Variants in SLC5A4 observed in about 807,000 individuals in gnomAD.
SLC5A4 encodes the protein probable glucose sensor protein SLC5A4.
Under a neutral mutation model 70.3 loss-of-function variants are expected in SLC5A4, and 55 were observed. The ratio of observed to expected loss-of-function variants is 0.78; its 90% confidence interval spans 0.63 to 0.98. SLC5A4 has a LOEUF of 0.98. Ranked by LOEUF, SLC5A4 falls within the 50% of genes least tolerant of loss-of-function variation. The pLI is 0.00. For synonymous variants in SLC5A4, 268 were observed against 305.7 expected (o/e 0.88, Z 1.29); for missense variants, 735 against 839.2 (o/e 0.88, Z 1.53).
At chr22:32,332,928 T>C in the SLC5A4 span, among the ~76,000 whole-genome samples, 1 of 152,224 alleles carries the variant, frequency 6.6e-6, no homozygotes, top group Non-Finnish European at 1.5e-5. Flanking sequence ...AGACTCTTTC[T>C]CCTTTGCCTC....
At chr22:32,300,582 C>T in the SLC5A4 span, among the ~76,000 whole-genome samples, 2 of 151,264 alleles carry the variant, frequency 1.3e-5, no homozygotes, top group South Asian at 2.1e-4. Context: ...TGAGATGAAC[C>T]CGGTACCTCA....
At chr22:32,301,824 G>A in the SLC5A4 span, among the ~76,000 whole-genome samples, 1 of 126,758 alleles carries the variant, frequency 7.9e-6, no homozygotes, top group East Asian at 2.3e-4. Flanking sequence ...ATTAATCAAA[G>A]GAACATAATT....
At chr22:32,303,945 A>C in the SLC5A4 span, among the ~76,000 whole-genome samples, 3 of 152,174 alleles carry the variant, frequency 2.0e-5, no homozygotes, top group Non-Finnish European at 1.5e-5. Flanking sequence ...GTTTCTCCAC[A>C]TTCTCACCAG....
chr22:32,236,533 T>C lies in SLC5A4; in HGVS notation c.664+711A>G, dbSNP rs149163201. Among the ~76,000 whole-genome samples, 390 of 152,274 alleles carry C rather than the reference T, an allele frequency of 2.6e-3. 3 individuals carry two copies. Among genetic ancestry groups the C allele is most frequent in the African/African-American group, 9.2e-3 (381 of 41,532 alleles). On this transcript the variant is annotated intron_variant, in intron 7 of 14. Coordinates refer to ENST00000266086, the MANE Select transcript of SLC5A4 (RefSeq NM_014227.3). Reference sequence around the variant, plus strand: ...TATGATTCAGTTGAACTGACTAATATTCAGTTCTCAAATTTTTTCCTACTA... The same window carrying C: ...TATGATTCAGTTGAACTGACTAATACTCAGTTCTCAAATTTTTTCCTACTA...
chr22:32,268,483 C>T, the SLC5A4 span: 3 of 152,176 alleles, frequency 2.0e-5, no homozygotes, highest in East Asian at 5.8e-4. Flanking sequence ...TGACATCAGG[C>T]CCGATTTCCA....
chr22:32,295,174 A>C, the SLC5A4 span, among the ~76,000 whole-genome samples: 5 of 107,754 alleles, frequency 4.6e-5, 2 homozygotes, highest in African/African-American at 1.7e-4. Flanking sequence ...CTTTGGGTAT[A>C]TACCCAGTAA....
intron 11 of SLC5A4, among the ~76,000 whole-genome samples, chr22:32,228,854 A>G (rs1695995342): frequency 6.6e-6 from 1 of 152,166 alleles, no homozygotes; most frequent in South Asian, 2.1e-4. Context: ...TGCTAGAGAC[A>G]ATGCATTCAC....
the SLC5A4 span, among the ~76,000 whole-genome samples, chr22:32,325,693 G>A: frequency 6.6e-6 from 1 of 152,256 alleles, no homozygotes; most frequent in African/African-American, 2.4e-5. Flanking sequence ...CGGGCACTGT[G>A]CCAAGCACTT....
At chr22:32,306,349 C>A in the SLC5A4 span, among the ~76,000 whole-genome samples, 1 of 151,880 alleles carries the variant, frequency 6.6e-6, no homozygotes, top group South Asian at 2.1e-4. Context: ...CCTGCTAGTC[C>A]CAGCTACTTG....
chr22:32,311,417 G>A, the SLC5A4 span, among the ~76,000 whole-genome samples: 1 of 152,232 alleles, frequency 6.6e-6, no homozygotes, highest in Admixed American at 6.5e-5. Flanking sequence ...CCCATGGAAT[G>A]AGTGTGTCTA....
At chr22:32,302,378 G>A in the SLC5A4 span, among the ~76,000 whole-genome samples, 1 of 151,416 alleles carries the variant, frequency 6.6e-6, no homozygotes, top group Admixed American at 6.6e-5. Context: ...CATTTTAATT[G>A]TGATTAAGTC....
chr22:32,307,193 G>A, the SLC5A4 span, among the ~76,000 whole-genome samples: 1 of 152,100 alleles, frequency 6.6e-6, no homozygotes, highest in Non-Finnish European at 1.5e-5. Context: ...CAGCAGCCCT[G>A]GATTTCAGTC....
At chr22:32,306,043 C>T in the SLC5A4 span, among the ~76,000 whole-genome samples, 1 of 152,170 alleles carries the variant, frequency 6.6e-6, no homozygotes, top group African/African-American at 2.4e-5. Context: ...CCATCCTCCC[C>T]TACAGAATGA....
At chr22:32,234,136 T>C (rs978799289) in intron 8 of SLC5A4, among the ~76,000 whole-genome samples, 12 of 152,162 alleles carry the variant, frequency 7.9e-5, no homozygotes, top group African/African-American at 2.9e-4. Context: ...TCTGAATCAC[T>C]TGGGGATCAA....
the SLC5A4 span, among the ~76,000 whole-genome samples, chr22:32,309,635 A>G: frequency 6.6e-6 from 1 of 152,002 alleles, no homozygotes; most frequent in African/African-American, 2.4e-5. Context: ...GGAGCCCTTG[A>G]CACCACTGGG....
chr22:32,340,829 G>C, the SLC5A4 span, among the ~76,000 whole-genome samples: 1 of 152,212 alleles, frequency 6.6e-6, no homozygotes, highest in African/African-American at 2.4e-5. Flanking sequence ...GTGCAAAGGA[G>C]ACCATCGGCA....
the SLC5A4 span, among the ~76,000 whole-genome samples, chr22:32,326,245 G>A: frequency 6.6e-6 from 1 of 151,822 alleles, no homozygotes; most frequent in African/African-American, 2.4e-5. Context: ...ATGCACGTGG[G>A]GTATGGGGCT....
chr22:32,271,491 C>G, the SLC5A4 span: 1 of 732,068 alleles, frequency 1.4e-6, no homozygotes, highest in Admixed American at 1.8e-5. Flanking sequence ...GAAGGTCCTT[C>G]ACAACATCAG....
chr22:32,342,645 AAATT>A, the SLC5A4 span, among the ~76,000 whole-genome samples: 12 of 152,224 alleles, frequency 7.9e-5, no homozygotes, highest in African/African-American at 2.7e-4. Context: ...ACTTCATATG[AAATT>A]AATTTAAAAT....
Sources: allele counts gnomAD v4.1 joint callset (sites outside exome capture counted in the v4.1 genomes callset), GRCh38; gene constraint gnomAD v4.1.1; transcripts MANE v1.5; gene names NCBI Gene and HGNC (gene_info 2026-07-23, HGNC 2026-07-21).